PREX1: variants seen among roughly 807,000 people sequenced by gnomAD.
PREX1 encodes the protein phosphatidylinositol-3,4,5-trisphosphate dependent Rac exchange factor 1.
Under a neutral mutation model 198.3 loss-of-function variants are expected in PREX1, and 41 were observed. That is an observed-to-expected ratio of 0.21 (90% CI 0.16 to 0.27). PREX1 has a LOEUF of 0.27. PREX1 is among the 10% of genes least tolerant of loss of function. The pLI, the probability that PREX1 is intolerant of heterozygous loss-of-function variation, is 1.00. For synonymous variants in PREX1, 843 were observed against 887.2 expected (o/e 0.95, Z 0.89); for missense variants, 1,620 against 2,200.7 (o/e 0.74, Z 5.28).
chr20:48,719,084 C>T (rs2089974427), intron 5 of PREX1, among the ~76,000 whole-genome samples: 1 of 152,152 alleles, frequency 6.6e-6, no homozygotes, highest in Admixed American at 6.5e-5. Context: ...ACTACCATGC[C>T]CATTTTACAG....
chr20:48,681,678 A>G (rs373203726), intron 10 of PREX1, among the ~76,000 whole-genome samples: 1 of 150,090 alleles, frequency 6.7e-6, no homozygotes, highest in African/African-American at 2.5e-5. Context: ...GTGACTACAT[A>G]GATGGATGGA....
At chr20:48,639,090 A>G (rs907657789) in intron 30 of PREX1, among the ~76,000 whole-genome samples, 1 of 152,222 alleles carries the variant, frequency 6.6e-6, no homozygotes, top group African/African-American at 2.4e-5. Context: ...TCAGACGCAA[A>G]TGCCGGCAAG....
chr20:48,856,372 T>C, the PREX1 span, among the ~76,000 whole-genome samples: 1 of 152,192 alleles, frequency 6.6e-6, no homozygotes, highest in African/African-American at 2.4e-5. Flanking sequence ...CAGGGGCACT[T>C]TAGGACAAAG....
At chr20:48,862,789 A>AAAAAAAAAAAAAAAAAAAAAAATC in the PREX1 span, among the ~76,000 whole-genome samples, 1 of 76,220 alleles carries the variant, frequency 1.3e-5, no homozygotes, top group African/African-American at 4.6e-5. Context: ...CTAAAAAAAA[A>AAAAAAAAAAAAAAAAAAAAAAATC]AATATATATA....
Position 48,626,720 on chromosome 20 carries a change from C to T in PREX1, c.4938-793G>A, listed in dbSNP as rs190357749. Among the ~76,000 whole-genome samples the T allele has an allele frequency of 8.5e-5, 13 of 152,326 alleles. No individual in the cohort carries two copies. The East Asian group carries it at 1.7e-3, about 20-fold the overall frequency. The stretch of plus-strand genomic sequence containing the variant: ...CGTCACCACTGGCAGCAGGTGTTGC[C>T]GGCGCTCTGTGGTTACGTAAGACGT... On this transcript the variant is annotated intron_variant, in intron 39 of 39. Coordinates refer to ENST00000371941, the MANE Select transcript of PREX1 (RefSeq NM_020820.4).
Position 48,795,938 on chromosome 20 carries a change from T to C in PREX1, c.219+31704A>G, listed in dbSNP as rs910554350. ...CGTGCTCGAAAGCATGCTATGTCACTGCTGCAGGTTCACATCGATGTGTGG... is the reference window on the plus strand; with the variant it reads ...CGTGCTCGAAAGCATGCTATGTCACCGCTGCAGGTTCACATCGATGTGTGG... On this transcript the variant is annotated intron_variant, in intron 1 of 39. Transcript: ENST00000371941. Among the ~76,000 whole-genome samples, 4 of 152,284 alleles carry C rather than the reference T, an allele frequency of 2.6e-5. No individual in the cohort carries two copies. The South Asian group carries it at 8.3e-4, about 32-fold the overall frequency.
rs550231140 is a variant in PREX1, at chr20:48,699,008, A to C, written c.917+1745T>G. ...CTCTTAACCAAACACTACTACAAGG[A>C]GGGGCTGATCGTCTCACTTTACAGA... On this transcript the variant is annotated intron_variant, in intron 7 of 39. Transcript: ENST00000371941. Among the ~76,000 whole-genome samples the C allele has an allele frequency of 3.9e-5, 6 of 152,288 alleles. No homozygotes were observed. The South Asian group carries it at 1.2e-3, about 32-fold the overall frequency.
chr20:48,630,906 A>C, intron 35 of PREX1, 112 bp from the exon 36 acceptor site: 1 of 791,292 alleles, frequency 1.3e-6, no homozygotes, highest in South Asian at 1.6e-5. Context: ...GCCGACTCTC[A>C]GAATGAAATC....
At chr20:48,657,627 C>A (rs1421744859) in intron 17 of PREX1, among the ~76,000 whole-genome samples, 1 of 152,216 alleles carries the variant, frequency 6.6e-6, no homozygotes, top group Non-Finnish European at 1.5e-5. Context: ...TCGCTCCTTG[C>A]AGCCCAAAGC....
chr20:48,846,175 A>G, the PREX1 span, among the ~76,000 whole-genome samples: 4 of 152,312 alleles, frequency 2.6e-5, no homozygotes, highest in East Asian at 7.7e-4. Flanking sequence ...CACATAGCCA[A>G]TAAATCAAAG....
intron 1 of PREX1, among the ~76,000 whole-genome samples, chr20:48,799,453 G>A (rs1019511361): frequency 2.0e-5 from 3 of 152,174 alleles, no homozygotes; most frequent in Non-Finnish European, 4.4e-5. Context: ...AAAACGAAGA[G>A]CAACTCCTAT....
chr20:48,777,313 C>A (rs1414237480), intron 1 of PREX1, among the ~76,000 whole-genome samples: 1 of 152,166 alleles, frequency 6.6e-6, no homozygotes, highest in Non-Finnish European at 1.5e-5. Context: ...CAGGAGCCCC[C>A]GGCCACACAC....
rs747689820 is a variant in PREX1 at position 48,726,308 on chromosome 20, C to T, written c.603G>A (p.Lys201=). 1.9e-6 allele frequency: 3 copies of T among 1,613,800 alleles called. No homozygotes were observed. Among genetic ancestry groups the T allele is most frequent in the Non-Finnish European group, 2.5e-6 (3 of 1,179,860 alleles). Residue 201 remains lysine, a synonymous_variant, in exon 5 of 40, where the codon AAG becomes AAA. Transcript: ENST00000371941. ...YLLSPIQRIC[K]YPLLLKELAK... is the part of the protein sequence containing the mutation. ...GTCTCACCTTAAGGAGGAGCGGGTA[C>T]TTGCAGATCCTCTGGATCGGAGACA...
the PREX1 span, among the ~76,000 whole-genome samples, chr20:48,885,920 A>C: frequency 1.6e-4 from 24 of 152,170 alleles, no homozygotes; most frequent in Non-Finnish European, 3.5e-4. Context: ...GGGAGAGATG[A>C]ATAGTTGGAG....
intron 5 of PREX1, among the ~76,000 whole-genome samples, chr20:48,710,986 C>G (rs1041464824): frequency 1.3e-5 from 2 of 152,230 alleles, no homozygotes; most frequent in African/African-American, 4.8e-5. Flanking sequence ...TCCCAAGAGC[C>G]ATGGGGAGGT....
chr20:48,698,419 T>A (rs1156984947), intron 7 of PREX1, among the ~76,000 whole-genome samples: 1 of 151,970 alleles, frequency 6.6e-6, no homozygotes, highest in Non-Finnish European at 1.5e-5. Context: ...CCAGACTGCT[T>A]GGGGCAGAGC....
At chr20:48,854,346 T>C in the PREX1 span, among the ~76,000 whole-genome samples, 1 of 151,532 alleles carries the variant, frequency 6.6e-6, no homozygotes, top group African/African-American at 2.4e-5. Context: ...TGGATGTGTA[T>C]ATGTGTGTGT....
the PREX1 span, among the ~76,000 whole-genome samples, chr20:48,870,035 T>G: frequency 6.6e-6 from 1 of 152,144 alleles, no homozygotes; most frequent in African/African-American, 2.4e-5. Context: ...AAATAAACAA[T>G]GCTGCCTGAA....
chr20:48,682,427 T>C (rs1411035088), intron 10 of PREX1, among the ~76,000 whole-genome samples: 1 of 152,238 alleles, frequency 6.6e-6, no homozygotes, highest in African/African-American at 2.4e-5. Context: ...TACGTATTTA[T>C]TGGCCATCTC....
Sources: gnomAD v4.1 joint callset for allele counts (sites outside exome capture counted in the v4.1 genomes callset) on GRCh38, gnomAD v4.1.1 for gene constraint, MANE v1.5 for transcripts, NCBI Gene and HGNC (gene_info 2026-07-23, HGNC 2026-07-21) for gene names.